Variants in CEP85L observed in about 807,000 individuals in gnomAD.
CEP85L encodes the protein centrosomal protein 85L, also known as centrosomal protein of 85 kDa-like.
In CEP85L, 60 loss-of-function variants were observed where a neutral mutation model predicts 100.3. That is an observed-to-expected ratio of 0.60 (90% confidence interval 0.49 to 0.74). CEP85L has a LOEUF of 0.74. CEP85L is among the 30% of genes least tolerant of loss of function. The pLI, the probability that CEP85L is intolerant of heterozygous loss-of-function variation, is 0.00. For missense variants in CEP85L, 973 were observed against 936.2 expected (o/e 1.04, Z -0.51); for synonymous variants, 319 against 322.7 (o/e 0.99, Z 0.12).
intron 2 of CEP85L, among the ~76,000 whole-genome samples, chr6:118,615,277 T>G (rs1265138134): frequency 6.6e-6 from 1 of 152,172 alleles, no homozygotes; most frequent in African/African-American, 2.4e-5. Flanking sequence ...TTACAGTAGC[T>G]TGATTATTCT....
At chr6:118,637,074 A>G (rs1001606222) in intron 1 of CEP85L, among the ~76,000 whole-genome samples, 2 of 152,202 alleles carry the variant, frequency 1.3e-5, no homozygotes, top group Admixed American at 6.5e-5. Flanking sequence ...CAGTATTTCA[A>G]TATCATCTAC....
Position 118,645,958 on chromosome 6 carries a change from G to A in CEP85L, c.73+5239C>T, listed in dbSNP as rs562114596. The stretch of plus-strand genomic sequence containing the variant: ...TTTGGGGCCAGGCGTGGTGGCTCAC[G>A]CCTTAATCCCAGCACTTTGGGAGGC... On this transcript the variant is annotated intron_variant, in intron 1 of 12. Transcript: ENST00000368491. Among the ~76,000 whole-genome samples the A allele has an allele frequency of 4.6e-5, 7 of 152,264 alleles. No individual in the cohort carries two copies. The South Asian group carries it at 1.4e-3, about 32-fold the overall frequency.
intron 1 of CEP85L, among the ~76,000 whole-genome samples, chr6:118,704,762 C>T (rs1248244161): frequency 6.6e-6 from 1 of 152,132 alleles, no homozygotes; most frequent in Non-Finnish European, 1.5e-5. Flanking sequence ...TGAGCCACCA[C>T]GCCTGGCCAA....
intron 1 of CEP85L, among the ~76,000 whole-genome samples, chr6:118,646,098 T>C (rs753254268): frequency 5.9e-5 from 9 of 152,164 alleles, no homozygotes; most frequent in Non-Finnish European, 1.2e-4. Context: ...ACGCCCGTAG[T>C]CCCAGCTACT....
chr6:118,650,377 T>G (rs1349422752), intron 1 of CEP85L, among the ~76,000 whole-genome samples: 1 of 152,180 alleles, frequency 6.6e-6, no homozygotes, highest in African/African-American at 2.4e-5. Context: ...GGGGAGGATT[T>G]ATCCTAATTT....
intron 3 of CEP85L, among the ~76,000 whole-genome samples, chr6:118,541,355 G>A (rs1777895206): frequency 6.6e-6 from 1 of 152,160 alleles, no homozygotes; most frequent in African/African-American, 2.4e-5. Context: ...CTGAAATATA[G>A]CAAAACCATG....
intron 1 of CEP85L, among the ~76,000 whole-genome samples, chr6:118,640,663 T>C (rs1298366219): frequency 6.6e-6 from 1 of 152,140 alleles, no homozygotes; most frequent in Non-Finnish European, 1.5e-5. Context: ...TTGTGCGGAT[T>C]ACAGGCACAC....
chr6:118,475,937 TTAA>T (rs1207767917), intron 10 of CEP85L, among the ~76,000 whole-genome samples: 2 of 152,188 alleles, frequency 1.3e-5, no homozygotes, highest in Non-Finnish European at 1.5e-5. Context: ...CCTGAGGAAC[TTAA>T]TAATACATAA....
chr6:118,659,852 G>T (rs1775913853), intron 1 of CEP85L, among the ~76,000 whole-genome samples: 1 of 152,216 alleles, frequency 6.6e-6, no homozygotes, highest in Non-Finnish European at 1.5e-5. Flanking sequence ...AATTTGTTCA[G>T]CTCCTGGGCC....
intron 10 of CEP85L, 33 bp from the exon 11 acceptor site, chr6:118,470,677 A>G (rs781414851): frequency 1.6e-6 from 2 of 1,242,504 alleles, no homozygotes; most frequent in South Asian, 2.6e-5. Flanking sequence ...AAAGCAAAAC[A>G]GGTTAACATG....
At chr6:118,519,416 G>T (rs1431445375) in intron 4 of CEP85L, among the ~76,000 whole-genome samples, 21 of 146,254 alleles carry the variant, frequency 1.4e-4, no homozygotes, top group African/African-American at 4.5e-4. Flanking sequence ...TCCAGTCTGG[G>T]TGACAGAGCA....
At chr6:118,526,694 G>T (rs1051672150) in intron 3 of CEP85L, among the ~76,000 whole-genome samples, 4 of 152,312 alleles carry the variant, frequency 2.6e-5, no homozygotes, top group African/African-American at 9.6e-5. Flanking sequence ...AGACAGCCAT[G>T]AAAGCGACCT....
chr6:118,608,024 G>A (rs916546434), intron 2 of CEP85L, among the ~76,000 whole-genome samples: 1 of 152,154 alleles, frequency 6.6e-6, no homozygotes, highest in African/African-American at 2.4e-5. Context: ...AGTTTATTAA[G>A]AAAGTAAAGG....
intron 3 of CEP85L, among the ~76,000 whole-genome samples, chr6:118,545,623 A>C (rs972336521): frequency 6.6e-6 from 1 of 152,204 alleles, no homozygotes; most frequent in African/African-American, 2.4e-5. Context: ...TTTGAGGAAC[A>C]CATTTAAAAT....
chr6:118,476,945 G>C (rs1323741038), intron 10 of CEP85L, among the ~76,000 whole-genome samples: 1 of 151,958 alleles, frequency 6.6e-6, no homozygotes, highest in Non-Finnish European at 1.5e-5. Flanking sequence ...ACAGCTCACT[G>C]AAAAAGGCTT....
In CEP85L at chr6:118,566,298, C is replaced by T; in HGVS notation, c.251G>A (p.Gly84Asp). ...DSVEDHSTSS[G>D]TLSFKPSQSL... Reference sequence around the variant, plus strand: ...TTGACTAGGCTTAAAAGATAATGTGCCACTTGAAGTTGAATGATCTGGAAA... The same window carrying T: ...TTGACTAGGCTTAAAAGATAATGTGTCACTTGAAGTTGAATGATCTGGAAA... The change falls in exon 3 of 13, where the codon GGC (glycine) becomes GAC (aspartate). Residue 84 changes from glycine to aspartate, a missense_variant. Around this residue, in one of 3 missense-constraint regions of CEP85L, gnomAD observed 890 missense variants for 844.5 expected, o/e 1.05. Transcript: ENST00000368491. 6.2e-7 allele frequency: 1 copy of T among 1,612,392 alleles called. No homozygotes were observed. Among genetic ancestry groups the T allele is most frequent in the Non-Finnish European group, 8.5e-7 (1 of 1,179,358 alleles).
intron 3 of CEP85L, among the ~76,000 whole-genome samples, chr6:118,524,938 C>G (rs922830656): frequency 6.6e-6 from 1 of 152,218 alleles, no homozygotes; most frequent in Non-Finnish European, 1.5e-5. Context: ...TTCAGCTCAC[C>G]TGGTGACCTG....
intron 2 of CEP85L, among the ~76,000 whole-genome samples, chr6:118,586,236 G>A (rs770282069): frequency 1.3e-4 from 20 of 152,138 alleles, no homozygotes; most frequent in Non-Finnish European, 2.8e-4. Context: ...GCCTTACTAC[G>A]AATAAGAGAT....
intron 3 of CEP85L, among the ~76,000 whole-genome samples, chr6:118,541,429 T>C (rs965010877): frequency 8.5e-5 from 13 of 152,214 alleles, no homozygotes; most frequent in Admixed American, 5.2e-4. Flanking sequence ...TATCAGGAAG[T>C]TGGGTTTATT....
Sources: gnomAD v4.1 joint callset for allele counts (sites outside exome capture counted in the v4.1 genomes callset) on GRCh38, gnomAD v4.1.1 for gene constraint, gnomAD v4.1.1 regional missense constraint, MANE v1.5 for transcripts, NCBI Gene and HGNC (gene_info 2026-07-23, HGNC 2026-07-21) for gene names.